Variants in AUTS2 observed in about 807,000 individuals in gnomAD.
AUTS2 encodes the protein activator of transcription and developmental regulator AUTS2, also known as autism susceptibility gene 2 protein.
Under a neutral mutation model 112.4 loss-of-function variants are expected in AUTS2, and 17 were observed. The observed-to-expected ratio is 0.15, with a 90% CI of 0.10 to 0.23. The LOEUF (loss-of-function observed/expected upper bound fraction) is 0.23. Among genes scored for constraint, AUTS2 ranks in the 10% least tolerant of loss-of-function variants. The probability of loss-of-function intolerance (pLI) is 1.00; values close to 1 mark genes in which losing one functional copy is unlikely to be tolerated. For synonymous variants in AUTS2, 751 were observed against 702.7 expected (o/e 1.07, Z -1.09); for missense variants, 1,510 against 1,701.6 (o/e 0.89, Z 1.98).
intron 6 of AUTS2, among the ~76,000 whole-genome samples, chr7:70,703,184 C>T (rs1355563377): frequency 2.6e-5 from 4 of 152,044 alleles, no homozygotes; most frequent in Admixed American, 2.0e-4. Flanking sequence ...TCAAGGTCAC[C>T]ATTTGACTTT....
rs548652216 is a variant in AUTS2, at chr7:69,977,518, G to C, written c.522+78020G>C. Among the ~76,000 whole-genome samples, 25 of 152,270 alleles carry C rather than the reference G, an allele frequency of 1.6e-4. 1 individual carries two copies. Among genetic ancestry groups the C allele is most frequent in the African/African-American group, 5.5e-4 (23 of 41,562 alleles). On this transcript the variant is annotated intron_variant, in intron 2 of 18. Transcript: ENST00000342771. ...TAGAGATTGTATTTATGGATCATTT[G>C]TGGTACTATGGACATTTTAACAACA...
chr7:70,630,210 T>C (rs1805185340), intron 5 of AUTS2, among the ~76,000 whole-genome samples: 1 of 152,192 alleles, frequency 6.6e-6, no homozygotes. Context: ...GTTACACAGC[T>C]GTCCTCAGAG....
intron 4 of AUTS2, among the ~76,000 whole-genome samples, chr7:70,320,684 G>A (rs1790213449): frequency 6.6e-6 from 1 of 152,216 alleles, no homozygotes; most frequent in South Asian, 2.1e-4. Flanking sequence ...GCAGAGGTAA[G>A]TGTGCCTTGG....
intron 1 of AUTS2, among the ~76,000 whole-genome samples, chr7:69,628,487 T>C (rs1266796911): frequency 1.4e-4 from 22 of 152,304 alleles, no homozygotes. Flanking sequence ...AGGTTGCCAC[T>C]CTGTATTAGT....
rs182814504 is a variant in AUTS2 at position 70,318,287 on chromosome 7, A to G, written c.661-117465A>G. ...GGATGGGGACTGGAGGCCAGTTAGG[A>G]CGACACTGTAGAGGCCAGTGTGAGG... is the stretch of plus-strand genomic sequence containing the variant. On this transcript the variant is annotated intron_variant, in intron 4 of 18. Transcript: ENST00000342771. Among the ~76,000 whole-genome samples the G allele has an allele frequency of 1.6e-4, 24 of 152,140 alleles. No individual in the cohort carries two copies. In the East Asian group the frequency reaches 4.5e-3, roughly 28 times the overall value.
At chr7:70,789,111 G>A (rs61229571) in intron 18 of AUTS2, among the ~76,000 whole-genome samples, 2,498 of 152,126 alleles carry the variant, frequency 0.016, 62 homozygotes, top group African/African-American at 0.058. Flanking sequence ...ATCCCATCTG[G>A]TGCACAAGTG....
intron 4 of AUTS2, among the ~76,000 whole-genome samples, chr7:70,325,181 A>G (rs1790429201): frequency 6.6e-6 from 1 of 152,048 alleles, no homozygotes. Context: ...AAATCATTAC[A>G]GGCATTGTGG....
intron 4 of AUTS2, among the ~76,000 whole-genome samples, chr7:70,360,464 C>T (rs1354207593): frequency 6.6e-6 from 1 of 152,078 alleles, no homozygotes; most frequent in African/African-American, 2.4e-5. Flanking sequence ...TAAATGGGTC[C>T]TTGTTAGTCA....
At chr7:70,769,410 G>A (rs902448783) in intron 10 of AUTS2, among the ~76,000 whole-genome samples, 2 of 152,206 alleles carry the variant, frequency 1.3e-5, no homozygotes, top group African/African-American at 2.4e-5. Context: ...TTCAGGCTGG[G>A]TGCAGTGGCT....
At chr7:69,702,574 C>A (rs1216597729) in intron 1 of AUTS2, among the ~76,000 whole-genome samples, 2 of 152,148 alleles carry the variant, frequency 1.3e-5, no homozygotes, top group Non-Finnish European at 1.5e-5. Flanking sequence ...GTGGTTACTA[C>A]ATGCTATTTC....
At position 70,366,382 on chromosome 7, in the gene AUTS2, G is replaced by A. The variant is rs148126332; in HGVS notation, c.661-69370G>A. Among the ~76,000 whole-genome samples the A allele has an allele frequency of 2.2e-3, 337 of 152,240 alleles. 1 individual carries two copies. Among genetic ancestry groups the A allele is most frequent in the African/African-American group, 7.8e-3 (325 of 41,544 alleles). ...GGAAGCAATGTTGAACTCTTGTCTC[G>A]TTGGATGAGTAAAGCTCCCCAGAGA... On this transcript the variant is annotated intron_variant, in intron 4 of 18. Coordinates refer to ENST00000342771, the MANE Select transcript of AUTS2 (RefSeq NM_015570.4).
chr7:70,596,141 G>A (rs1803190466), intron 5 of AUTS2: 1 of 152,828 alleles, frequency 6.5e-6, no homozygotes, highest in South Asian at 1.8e-4. Context: ...CGGTCATGAG[G>A]AGCGAGGCGG....
rs1206670604 is a variant in AUTS2, at chr7:69,604,838, A to C, written c.309+4876A>C. On this transcript the variant is annotated intron_variant, in intron 1 of 18. Transcript: ENST00000342771. ...ACTTTCTAAAAGCATCATTTCCTTT[A>C]TCCATTAGTGGAGAGGTTTAAACTA... Among the ~76,000 whole-genome samples, 3 of 152,222 alleles carry C rather than the reference A, an allele frequency of 2.0e-5. No homozygotes were observed. The East Asian group carries it at 5.8e-4, about 29-fold the overall frequency.
chr7:69,780,215 C>T (rs1789087939), intron 1 of AUTS2, among the ~76,000 whole-genome samples: 1 of 152,202 alleles, frequency 6.6e-6, no homozygotes, highest in East Asian at 1.9e-4. Flanking sequence ...ATTTTAGTTG[C>T]TATTAAATTT....
intron 1 of AUTS2, among the ~76,000 whole-genome samples, chr7:69,714,247 A>ATGTGTGTGTGTGTGTGTGTG (rs1438776720): frequency 2.1e-4 from 9 of 42,348 alleles, no homozygotes; most frequent in African/African-American, 5.5e-4. Flanking sequence ...ATGTGTGTGT[A>ATGTGTGTGTGTGTGTGTGTG]TATGTGTGTG....
At chr7:70,721,279 C>CGT (rs55885084) in intron 6 of AUTS2, among the ~76,000 whole-genome samples, 20,016 of 139,958 alleles carry the variant, frequency 0.14, 1,428 homozygotes, top group South Asian at 0.19. Context: ...GAATTTCATT[C>CGT]GTGTGTGTGT....
intron 1 of AUTS2, among the ~76,000 whole-genome samples, chr7:69,634,083 G>T (rs1794403608): frequency 6.6e-6 from 1 of 151,472 alleles, no homozygotes; most frequent in South Asian, 2.1e-4. Flanking sequence ...TCGTTAGTTA[G>T]TGCTTTTAAG....
chr7:69,688,508 G>A (rs1341997516), intron 1 of AUTS2, among the ~76,000 whole-genome samples: 2 of 152,028 alleles, frequency 1.3e-5, no homozygotes, highest in East Asian at 3.9e-4. Flanking sequence ...TTTTTTAACT[G>A]ACATATAATC....
At chr7:70,553,271 G>A (rs185154182) in intron 5 of AUTS2, among the ~76,000 whole-genome samples, 3 of 152,314 alleles carry the variant, frequency 2.0e-5, no homozygotes, top group African/African-American at 7.2e-5. Flanking sequence ...CATAGACACA[G>A]CCCAGCCAAC....
Sources: allele counts gnomAD v4.1 joint callset (sites outside exome capture counted in the v4.1 genomes callset), GRCh38; gene constraint gnomAD v4.1.1; transcripts MANE v1.5; gene names NCBI Gene and HGNC (gene_info 2026-07-23, HGNC 2026-07-21).